Variants in VAV1 observed in about 807,000 individuals in gnomAD.
The protein encoded by VAV1 is vav guanine nucleotide exchange factor 1.
In VAV1, 33 loss-of-function variants were observed where a neutral mutation model predicts 128.1. The ratio of observed to expected loss-of-function variants is 0.26; its 90% CI spans 0.20 to 0.34. The LOEUF (loss-of-function observed/expected upper bound fraction) is 0.34, where lower values mean the gene tolerates loss of function less well. Ranked by LOEUF, VAV1 falls within the 10% of genes least tolerant of loss-of-function variation. The pLI is 1.00. For missense variants in VAV1, 715 were observed against 1,093.7 expected (o/e 0.65, Z 4.88); for synonymous variants, 394 against 409.8 (o/e 0.96, Z 0.47).
intron 1 of VAV1, among the ~76,000 whole-genome samples, chr19:6,800,159 A>G (rs914709741): frequency 1.3e-4 from 20 of 151,932 alleles, no homozygotes; most frequent in African/African-American, 4.6e-4. Context: ...TAAGAAGAAA[A>G]TGTACCAACT....
At chr19:6,852,921 G>C (rs759909334) in intron 24 of VAV1, 44 bp from the exon 25 acceptor site, 1 of 1,548,462 alleles carries the variant, frequency 6.5e-7, no homozygotes, top group South Asian at 1.1e-5. Context: ...CCCCTTATGG[G>C]CTGGCCCGCT....
chr19:6,819,107 C>T (rs1309864541), intron 1 of VAV1, among the ~76,000 whole-genome samples: 4 of 152,106 alleles, frequency 2.6e-5, no homozygotes, highest in Non-Finnish European at 1.5e-5. Flanking sequence ...CAAAGTGAGA[C>T]TCCATCCCCC....
rs1473903745 is a variant in VAV1, at chr19:6,826,451, C to A, written c.828-161C>A. Among the ~76,000 whole-genome samples the A allele has an allele frequency of 6.6e-6, 1 of 152,212 alleles. No homozygotes were observed. Among genetic ancestry groups the A allele is most frequent in the African/African-American group, 2.4e-5 (1 of 41,458 alleles). On this transcript the variant is annotated intron_variant, in intron 8 of 26. Coordinates refer to ENST00000602142, the MANE Select transcript of VAV1 (RefSeq NM_005428.4). The surrounding 1 kb of genome is among the most constrained non-coding windows in gnomAD (Gnocchi z 4.1). Reference sequence around the variant, plus strand: ...ATTAAATGAGATAATGCTACAATAGCCTCACATGGGAGATGCTATTGTTAT... The same window carrying A: ...ATTAAATGAGATAATGCTACAATAGACTCACATGGGAGATGCTATTGTTAT...
At position 6,814,676 on chromosome 19, in the gene VAV1, CTTTCTTTCTTT is replaced by C. The variant is rs1568299228; in HGVS notation, c.205-6025_205-6015del. On this transcript the variant is annotated intron_variant, in intron 1 of 26. Transcript: ENST00000602142. Reference sequence around the variant, plus strand: ...CCTTCCTTCCTTCCTTCCTTCCTTTCTTTCTTTCTTTCTTTCTTTCTTTCTTTCTTTCTTTC... The same window carrying C: ...CCTTCCTTCCTTCCTTCCTTCCTTTCCTTTCTTTCTTTCTTTCTTTCTTTC... 9.2e-5 allele frequency among the ~76,000 whole-genome samples: 9 copies of C among 97,358 alleles called. No homozygotes were observed. In the South Asian group the frequency reaches 1.7e-3, roughly 18 times the overall value. 63.9% of individuals were successfully genotyped at this position (97,358 alleles called of 152,430 possible). A position where few individuals can be genotyped will look rare whatever the true frequency, so the allele number is the denominator to read the frequency against.
intron 1 of VAV1, among the ~76,000 whole-genome samples, chr19:6,794,662 C>T (rs1030129640): frequency 6.6e-6 from 1 of 152,162 alleles, no homozygotes. Context: ...GTTCTAGGTA[C>T]TTTATACTTA....
chr19:6,822,333 C>G lies in VAV1; in HGVS notation c.558+4C>G, dbSNP rs1295584359. On this transcript the variant is annotated splice_donor_region_variant and intron_variant, in intron 5 of 26. Coordinates refer to ENST00000602142, the MANE Select transcript of VAV1 (RefSeq NM_005428.4). This position sits in a 1 kb window ranked among gnomAD's most constrained non-coding sequence, Gnocchi z 5.9. ...CTCGGAGCCCGTGTCCATGCCGGTG[C>G]GTGACGTGGAGGGTCGGGCCTGGGG... 1 of 1,199,094 alleles carries G rather than the reference C, an allele frequency of 8.3e-7. No homozygotes were observed. Among genetic ancestry groups the G allele is most frequent in the East Asian group, 4.7e-5 (1 of 21,304 alleles). The allele number at this position is 1,199,094 out of a possible 1,614,324, so 74.3% of individuals were successfully genotyped here.
chr19:6,782,955 G>A (rs150115567), intron 1 of VAV1, among the ~76,000 whole-genome samples: 220 of 152,158 alleles, frequency 1.4e-3, no homozygotes, highest in African/African-American at 5.1e-3. Context: ...GCCAAGGCAG[G>A]TGGATCATGA....
intron 1 of VAV1, among the ~76,000 whole-genome samples, chr19:6,804,636 C>T (rs1368233217): frequency 2.6e-5 from 4 of 151,552 alleles, no homozygotes; most frequent in African/African-American, 9.7e-5. Context: ...AGGCTGGTCT[C>T]AAATTTCCGA....
chr19:6,822,943 G>C lies in VAV1; in HGVS notation c.654+429G>C, dbSNP rs996382114. Among the ~76,000 whole-genome samples, 2 of 145,514 alleles carry C rather than the reference G, an allele frequency of 1.4e-5. No individual in the cohort carries two copies. The highest frequency in any genetic ancestry group is 4.2e-4 in the South Asian group (2 of 4,732). Reference sequence around the variant, plus strand: ...TATAAAATATATAGTTTTTCATATAGAGCTATATGTAAATAATATATACAA... The same window carrying C: ...TATAAAATATATAGTTTTTCATATACAGCTATATGTAAATAATATATACAA... On this transcript the variant is annotated intron_variant, in intron 6 of 26. Coordinates refer to ENST00000602142, the MANE Select transcript of VAV1 (RefSeq NM_005428.4). The surrounding 1 kb of genome is among the most constrained non-coding windows in gnomAD (Gnocchi z 5.9).
chr19:6,812,243 G>A (rs561880050), intron 1 of VAV1, among the ~76,000 whole-genome samples: 3 of 152,182 alleles, frequency 2.0e-5, no homozygotes, highest in Non-Finnish European at 2.9e-5. Context: ...GGGCTTGGAG[G>A]CAGTAACACT....
chr19:6,818,031 G>T (rs1380013074), intron 1 of VAV1, among the ~76,000 whole-genome samples: 1 of 152,050 alleles, frequency 6.6e-6, no homozygotes, highest in Non-Finnish European at 1.5e-5. Flanking sequence ...GTGGCCCCAG[G>T]CTGATTTTGA....
At position 6,808,039 on chromosome 19, in the gene VAV1, G is replaced by A. The variant is rs192685550; in HGVS notation, c.205-12663G>A. On this transcript the variant is annotated intron_variant, in intron 1 of 26. Transcript: ENST00000602142. ...GAAAAAGTTAAAAAAAAGGCCGGGC[G>A]CGGTGGCTCAAGCCTATAATCCCAG... is the stretch of plus-strand genomic sequence containing the variant. 2.3e-3 allele frequency among the ~76,000 whole-genome samples: 336 copies of A among 148,896 alleles called. 2 individuals are homozygous for A. Among genetic ancestry groups the A allele is most frequent in the Middle Eastern group, 7.5e-3 (2 of 268 alleles).
intron 1 of VAV1, among the ~76,000 whole-genome samples, chr19:6,802,817 C>T (rs1371885112): frequency 6.6e-6 from 1 of 152,048 alleles, no homozygotes; most frequent in African/African-American, 2.4e-5. Context: ...GGGCAGTATC[C>T]CCTCTCTGAG....
chr19:6,813,963 C>T (rs1015739286), intron 1 of VAV1, among the ~76,000 whole-genome samples: 8 of 151,874 alleles, frequency 5.3e-5, no homozygotes, highest in Admixed American at 2.6e-4. Context: ...GGGAGACTGA[C>T]GCAGGAGGAT....
chr19:6,778,784 T>C (rs555347811), intron 1 of VAV1, among the ~76,000 whole-genome samples: 53 of 152,086 alleles, frequency 3.5e-4, no homozygotes, highest in African/African-American at 1.2e-3. Flanking sequence ...GGCTCGTGCC[T>C]GTAATCCCAG....
intron 22 of VAV1, among the ~76,000 whole-genome samples, chr19:6,846,211 G>A (rs28600940): frequency 0.018 from 2,749 of 150,252 alleles, 81 homozygotes; most frequent in African/African-American, 0.064. Context: ...ATTCTTTATT[G>A]TATGTTACAT....
intron 1 of VAV1, among the ~76,000 whole-genome samples, chr19:6,805,603 C>CACACACAT (rs1555700390): frequency 4.0e-5 from 6 of 151,394 alleles, no homozygotes; most frequent in Admixed American, 6.6e-5. Flanking sequence ...CACACACACA[C>CACACACAT]ACACACACAC....
At chr19:6,799,649 G>A (rs2144728431) in intron 1 of VAV1, among the ~76,000 whole-genome samples, 1 of 152,086 alleles carries the variant, frequency 6.6e-6, no homozygotes, top group African/African-American at 2.4e-5. Context: ...CCCCTTGGTT[G>A]AGGTTTGAAT....
intron 1 of VAV1, among the ~76,000 whole-genome samples, chr19:6,810,962 G>C (rs566716503): frequency 1.3e-5 from 2 of 152,332 alleles, no homozygotes; most frequent in South Asian, 2.1e-4. Flanking sequence ...GCTTTCAACT[G>C]TTGTTCCAAA....
Sources: allele counts gnomAD v4.1 joint callset (sites outside exome capture counted in the v4.1 genomes callset), GRCh38; gene constraint gnomAD v4.1.1; non-coding constraint Gnocchi (gnomAD v3.1); transcripts MANE v1.5; gene names NCBI Gene and HGNC (gene_info 2026-07-23, HGNC 2026-07-21).